The following TSPAN18 variants were observed in gnomAD, a reference collection of about 807,000 sequenced individuals.
TSPAN18 encodes the protein tetraspanin-18.
In TSPAN18, 14 loss-of-function variants were observed where a neutral mutation model predicts 27.3. The ratio of observed to expected loss-of-function variants is 0.51; its 90% CI spans 0.34 to 0.80. TSPAN18 has a LOEUF of 0.80. Among genes scored for constraint, TSPAN18 ranks in the 30% least tolerant of loss-of-function variants. The pLI is 0.01. For synonymous variants in TSPAN18, 143 were observed against 136.5 expected, an observed-to-expected ratio of 1.05 and a Z score of -0.33; for missense variants, 268 against 323.9, an observed-to-expected ratio of 0.83 and a Z score of 1.32.
intron 8 of TSPAN18, among the ~76,000 whole-genome samples, chr11:44,920,959 G>T (rs1860111230): frequency 1.3e-5 from 2 of 152,226 alleles, no homozygotes; most frequent in African/African-American, 4.8e-5. Flanking sequence ...GCCTTGGGTG[G>T]GGGCTCAAGG....
chr11:44,750,092 G>A (rs187369133), intron 1 of TSPAN18, among the ~76,000 whole-genome samples: 147 of 152,332 alleles, frequency 9.6e-4, no homozygotes, highest in Middle Eastern at 3.4e-3. Flanking sequence ...GCCATCAGGG[G>A]ACAGATGATG....
chr11:44,730,606 G>A (rs188853966), intron 1 of TSPAN18, among the ~76,000 whole-genome samples: 78 of 151,842 alleles, frequency 5.1e-4, no homozygotes, highest in African/African-American at 1.7e-3. Context: ...TGAGGGAGTG[G>A]GGGTGGATCA....
chr11:44,771,463 C>T (rs2134916881), intron 2 of TSPAN18, among the ~76,000 whole-genome samples: 1 of 152,296 alleles, frequency 6.6e-6, no homozygotes, highest in Middle Eastern at 3.4e-3. Context: ...CTGGAGGAGG[C>T]CACCATTCAG....
intron 2 of TSPAN18, among the ~76,000 whole-genome samples, chr11:44,838,118 A>C (rs1857300069): frequency 6.6e-6 from 1 of 152,236 alleles, no homozygotes; most frequent in African/African-American, 2.4e-5. Context: ...ATTTTCTTAC[A>C]TGGCATATTA....
chr11:44,775,010 CT>C (rs1469327298), intron 2 of TSPAN18, among the ~76,000 whole-genome samples: 2 of 152,164 alleles, frequency 1.3e-5, no homozygotes, highest in Non-Finnish European at 2.9e-5. Context: ...CTCTCCTGGC[CT>C]TACAGTTTGT....
chr11:44,929,014 G>A lies in TSPAN18; in HGVS notation c.700-117G>A, dbSNP rs1860470447. ...CCCAGGGGAATGTCAGGAATCCTTAGGGGAGGAGTGTGCTAAGAGTGACAG... is the reference window on the plus strand; with the variant it reads ...CCCAGGGGAATGTCAGGAATCCTTAAGGGAGGAGTGTGCTAAGAGTGACAG... On this transcript the variant is annotated intron_variant, in intron 9 of 9. Transcript: ENST00000520358. The A allele has an allele frequency of 2.7e-5, 35 of 1,317,928 alleles. No individual in the cohort carries two copies. The South Asian group carries it at 3.4e-4, about 13-fold the overall frequency. The allele number at this position is 1,317,928 out of a possible 1,614,324, so 81.6% of individuals were successfully genotyped here. A position where few individuals can be genotyped will look rare whatever the true frequency, so the allele number is the denominator to read the frequency against.
chr11:44,819,701 C>CT (rs11378177), intron 2 of TSPAN18, among the ~76,000 whole-genome samples: 26,564 of 143,948 alleles, frequency 0.18, 3,128 homozygotes, highest in Non-Finnish European at 0.27. Flanking sequence ...GCTTGGAAGG[C>CT]TTTTTTTTTT....
intron 2 of TSPAN18, among the ~76,000 whole-genome samples, chr11:44,794,516 A>G (rs1856302842): frequency 6.6e-6 from 1 of 152,076 alleles, no homozygotes; most frequent in African/African-American, 2.4e-5. Context: ...ACAAAGACAA[A>G]AATTAGGTGG....
chr11:44,754,684 C>T (rs764272159), intron 1 of TSPAN18, among the ~76,000 whole-genome samples: 4 of 152,174 alleles, frequency 2.6e-5, no homozygotes, highest in Admixed American at 6.5e-5. Context: ...TAATGAGTGC[C>T]GTGGCTTGGG....
At chr11:44,848,847 T>G (rs1857539321) in intron 2 of TSPAN18, among the ~76,000 whole-genome samples, 1 of 152,008 alleles carries the variant, frequency 6.6e-6, no homozygotes, top group East Asian at 1.9e-4. Context: ...ACCGTGGGGC[T>G]CCCCCCACCC....
chr11:44,748,390 C>T (rs1192383986), intron 1 of TSPAN18, among the ~76,000 whole-genome samples: 1 of 150,366 alleles, frequency 6.7e-6, no homozygotes, highest in Non-Finnish European at 1.5e-5. Context: ...AGAGTGAGAC[C>T]CTTTCTCAAA....
chr11:44,752,626 G>A (rs1044389121), intron 1 of TSPAN18, among the ~76,000 whole-genome samples: 1 of 152,168 alleles, frequency 6.6e-6, no homozygotes, highest in Non-Finnish European at 1.5e-5. Flanking sequence ...ATATAAATGA[G>A]TATGTATTGT....
intron 4 of TSPAN18, among the ~76,000 whole-genome samples, chr11:44,908,816 A>AAAG (rs1859592933): frequency 7.0e-6 from 1 of 142,878 alleles, no homozygotes; most frequent in Non-Finnish European, 1.5e-5. Flanking sequence ...AGAAAGAAAG[A>AAAG]AAGAAAGAAA....
intron 3 of TSPAN18, among the ~76,000 whole-genome samples, chr11:44,872,709 T>C (rs1858228660): frequency 6.6e-6 from 1 of 152,260 alleles, no homozygotes; most frequent in African/African-American, 2.4e-5. Flanking sequence ...TCTATACTCT[T>C]AGTATCCTTA....
intron 1 of TSPAN18, among the ~76,000 whole-genome samples, chr11:44,729,059 C>G (rs935481144): frequency 6.6e-6 from 1 of 152,194 alleles, no homozygotes. Flanking sequence ...AGATGAGGTT[C>G]CTCTGTTCAA....
chr11:44,790,442 T>TTC, intron 2 of TSPAN18, among the ~76,000 whole-genome samples: 1 of 150,292 alleles, frequency 6.7e-6, no homozygotes, highest in Non-Finnish European at 1.5e-5. Context: ...TGTACATGTG[T>TTC]TCGTGTGTGC....
At chr11:44,917,772 T>A in intron 5 of TSPAN18, 200 bp from the exon 6 acceptor site, 1 of 595,444 alleles carries the variant, frequency 1.7e-6, no homozygotes, top group South Asian at 2.1e-5. Context: ...TTTTCATATT[T>A]TGATCTCAAT....
At chr11:44,795,682 C>T (rs1481345113) in intron 2 of TSPAN18, among the ~76,000 whole-genome samples, 1 of 28,100 alleles carries the variant, frequency 3.6e-5, no homozygotes. Flanking sequence ...GGCCCAGACC[C>T]CATTTTCTGC....
chr11:44,790,285 G>T (rs796479409), intron 2 of TSPAN18, among the ~76,000 whole-genome samples: 3 of 149,980 alleles, frequency 2.0e-5, no homozygotes, highest in African/African-American at 7.5e-5. Context: ...GCATGTGTTC[G>T]TGTATGTGCA....
Sources: allele counts gnomAD v4.1 joint callset (sites outside exome capture counted in the v4.1 genomes callset), GRCh38; gene constraint gnomAD v4.1.1; transcripts MANE v1.5; gene names NCBI Gene and HGNC (gene_info 2026-07-23, HGNC 2026-07-21).